The following L2HGDH variants were observed in gnomAD, a reference collection of about 807,000 sequenced individuals.
The protein encoded by L2HGDH is L-2-hydroxyglutarate dehydrogenase, mitochondrial.
In L2HGDH, 34 loss-of-function variants were observed where a neutral mutation model predicts 51.5. The observed-to-expected ratio is 0.66, with a 90% CI of 0.50 to 0.88. The LOEUF (loss-of-function observed/expected upper bound fraction) is 0.88, where lower values mean the gene tolerates loss of function less well. Among genes scored for constraint, L2HGDH ranks in the 40% least tolerant of loss-of-function variants. The probability of loss-of-function intolerance (pLI) is 0.00; values close to 1 mark genes in which losing one functional copy is unlikely to be tolerated. For missense variants in L2HGDH, 558 were observed against 571.9 expected (o/e 0.98, Z 0.25); for synonymous variants, 198 against 197.9 (o/e 1.00, Z -0.01).
Position 50,243,405 on chromosome 14 carries a change from A to G in L2HGDH, c.*3653T>C, listed in dbSNP as rs1887873057. 1 of 978,864 alleles carries G rather than the reference A, an allele frequency of 1.0e-6. No individual in the cohort carries two copies. The highest frequency in any genetic ancestry group is 1.8e-5 in the African/African-American group (1 of 57,088). 60.6% of individuals were successfully genotyped at this position (978,864 alleles called of 1,614,324 possible). ...GCTATCTATCTAAAGCAAACAGTTT[A>G]TGTTTTACACATAAAAAAATTTATT... On this transcript the variant is annotated 3_prime_UTR_variant, in exon 10 of 10. Transcript: ENST00000267436.
In L2HGDH at chr14:50,269,881, T is replaced by G. The variant is rs531904231; in HGVS notation, c.739-551A>C. ...TAAGCACATAAAATCATTTTAAAAT[T>G]AAAGTTATTACCTATTGATAATTAT... is the stretch of plus-strand genomic sequence containing the variant. On this transcript the variant is annotated intron_variant, in intron 6 of 9. Coordinates refer to ENST00000267436, the MANE Select transcript of L2HGDH (RefSeq NM_024884.3). Among the ~76,000 whole-genome samples the G allele has an allele frequency of 2.6e-5, 4 of 152,322 alleles. 1 individual carries two copies. The South Asian group carries it at 8.3e-4, about 32-fold the overall frequency.
intron 9 of L2HGDH, among the ~76,000 whole-genome samples, chr14:50,258,368 A>T (rs10151271): frequency 0.32 from 49,250 of 151,778 alleles, 8,380 homozygotes; most frequent in Admixed American, 0.43. Flanking sequence ...GGTGGACACC[A>T]CTACACCCAG....
At chr14:50,289,992 G>T (rs1480685746) in intron 4 of L2HGDH, among the ~76,000 whole-genome samples, 1 of 152,208 alleles carries the variant, frequency 6.6e-6, no homozygotes, top group Non-Finnish European at 1.5e-5. Flanking sequence ...TCGGCCAGGC[G>T]CAGTGGCTCA....
At position 50,270,492 on chromosome 14, in the gene L2HGDH, TTTGTTG is replaced by T. The variant is rs145385696; in HGVS notation, c.739-1168_739-1163del. ...TTTCTTTCTTTCCAGGCCTTACTGT[TTTGTTG>T]TTGTTGTTGTTGTTGTTGTTGTTTT... On this transcript the variant is annotated intron_variant, in intron 6 of 9. Transcript: ENST00000267436. Among the ~76,000 whole-genome samples, 848 of 150,702 alleles carry T rather than the reference TTTGTTG, an allele frequency of 5.6e-3. 9 individuals are homozygous for T. The highest frequency in any genetic ancestry group is 0.018 in the African/African-American group (754 of 40,960).
rs574500803 is a variant in L2HGDH at position 50,283,927 on chromosome 14, T to C, written c.647A>G (p.Asn216Ser). 7.8e-4 allele frequency: 1,266 copies of C among 1,614,108 alleles called. 21 individuals carry two copies. In the South Asian group the frequency reaches 0.013, roughly 17 times the overall value. The change falls in exon 5 of 10, where the codon AAT (asparagine) becomes AGT (serine). Residue 216 changes from asparagine (N) to serine (S), a missense_variant. Asn to Ser is a conservative substitution (Grantham distance 46). Transcript: ENST00000267436. ...CATTTCAATACCTTTTACTTCAAAA[T>C]TGGTCAAGACAGAGCCACCTGCTTC... ...FQEAGGSVLT[N>S]FEVKGIEMAK...
chr14:50,311,352 C>T (rs1406913792), intron 1 of L2HGDH: 5 of 455,968 alleles, frequency 1.1e-5, no homozygotes, highest in Non-Finnish European at 2.2e-5. Context: ...AAACTTCAGT[C>T]ACACTCATAT....
At chr14:50,286,641 A>G (rs1463528915) in intron 4 of L2HGDH, among the ~76,000 whole-genome samples, 4 of 152,244 alleles carry the variant, frequency 2.6e-5, no homozygotes, top group South Asian at 4.1e-4. Context: ...TACATGTTCT[A>G]CTATATATTG....
intron 6 of L2HGDH, among the ~76,000 whole-genome samples, chr14:50,276,754 G>C (rs1890000664): frequency 6.6e-6 from 1 of 152,146 alleles, no homozygotes; most frequent in Non-Finnish European, 1.5e-5. Flanking sequence ...CAGAACTGTG[G>C]GCTTTTTAGG....
rs1476265833 is a variant in L2HGDH at position 50,246,788 on chromosome 14, C to T, written c.*270G>A. On this transcript the variant is annotated 3_prime_UTR_variant, in exon 10 of 10. Transcript: ENST00000267436. ...CCAGGCTGGAGTGCAGTGGTGCAAT[C>T]TCAGCTCTCAGCTCACCTCCGTCTG... 2.8e-6 allele frequency: 1 copy of T among 361,852 alleles called. No homozygotes were observed. Among genetic ancestry groups the T allele is most frequent in the East Asian group, 5.9e-5 (1 of 17,028 alleles). 22.4% of individuals were successfully genotyped at this position (361,852 alleles called of 1,614,324 possible). A position where few individuals can be genotyped will look rare whatever the true frequency, so the allele number is the denominator to read the frequency against.
intron 3 of L2HGDH, among the ~76,000 whole-genome samples, chr14:50,296,337 C>T (rs971026942): frequency 1.6e-5 from 2 of 124,452 alleles, no homozygotes; most frequent in African/African-American, 6.2e-5. Context: ...TGCACCACTG[C>T]ACTCCATCCT....
rs564704971 is a variant in L2HGDH, at chr14:50,304,507, A to G, written c.141-1490T>C. Among the ~76,000 whole-genome samples, 5 of 152,332 alleles carry G rather than the reference A, an allele frequency of 3.3e-5. No homozygotes were observed. The East Asian group carries it at 7.7e-4, about 24-fold the overall frequency. On this transcript the variant is annotated intron_variant, in intron 1 of 9. Coordinates refer to ENST00000267436, the MANE Select transcript of L2HGDH (RefSeq NM_024884.3). Reference sequence around the variant, plus strand: ...TCCAGAAATGGGCTTAGGAACCACAATCTTTGCCATGGCAAATCCTGATTA... The same window carrying G: ...TCCAGAAATGGGCTTAGGAACCACAGTCTTTGCCATGGCAAATCCTGATTA...
At chr14:50,297,726 A>C (rs143274607) in intron 3 of L2HGDH, among the ~76,000 whole-genome samples, 22 of 152,312 alleles carry the variant, frequency 1.4e-4, no homozygotes, top group South Asian at 4.1e-4. Flanking sequence ...ATATTCTCTG[A>C]CCACAATGGA....
At chr14:50,308,502 T>C (rs1229681743) in intron 1 of L2HGDH, among the ~76,000 whole-genome samples, 1 of 151,900 alleles carries the variant, frequency 6.6e-6, no homozygotes, top group African/African-American at 2.4e-5. Flanking sequence ...CATTAGTCAA[T>C]GCATTGTTCA....
chr14:50,243,074 A>G lies in L2HGDH; in HGVS notation c.*3984T>C. The stretch of plus-strand genomic sequence containing the variant: ...AGTTAAGGTTATCCCACAGGCTACT[A>G]GGTAGATTTCCAAATGGCCTCAGGG... On this transcript the variant is annotated 3_prime_UTR_variant, in exon 10 of 10. Coordinates refer to ENST00000267436, the MANE Select transcript of L2HGDH (RefSeq NM_024884.3). 1 of 985,454 alleles carries G rather than the reference A, an allele frequency of 1.0e-6. No individual in the cohort carries two copies. Among genetic ancestry groups the G allele is most frequent in the Non-Finnish European group, 1.2e-6 (1 of 829,928 alleles). The allele number at this position is 985,454 out of a possible 1,614,324, so 61.0% of individuals were successfully genotyped here.
chr14:50,299,201 T>C (rs2030260797), intron 3 of L2HGDH, among the ~76,000 whole-genome samples: 1 of 152,078 alleles, frequency 6.6e-6, no homozygotes, highest in Non-Finnish European at 1.5e-5. Context: ...CAACTATATA[T>C]GCCAATAAGT....
At chr14:50,254,878 GA>G (rs201706273) in intron 9 of L2HGDH, among the ~76,000 whole-genome samples, 15 of 148,328 alleles carry the variant, frequency 1.0e-4, no homozygotes, top group African/African-American at 2.7e-4. Flanking sequence ...ATATATACGA[GA>G]AAAAAAAAAT....
chr14:50,262,780 T>C (rs1889108460), intron 9 of L2HGDH, among the ~76,000 whole-genome samples: 1 of 152,178 alleles, frequency 6.6e-6, no homozygotes. Flanking sequence ...ACATATCTTC[T>C]ACAGCTTCCT....
At position 50,242,959 on chromosome 14, in the gene L2HGDH, G is replaced by A; in HGVS notation, c.*4099C>T. On this transcript the variant is annotated 3_prime_UTR_variant, in exon 10 of 10. Coordinates refer to ENST00000267436, the MANE Select transcript of L2HGDH (RefSeq NM_024884.3). ...TAGGTACAGCCATCAGGGTTGGATTGCCTCCAAAAGTAGGCCCTACAAACT... is the reference window on the plus strand; with the variant it reads ...TAGGTACAGCCATCAGGGTTGGATTACCTCCAAAAGTAGGCCCTACAAACT... 1 of 985,428 alleles carries A rather than the reference G, an allele frequency of 1.0e-6. No homozygotes were observed. The highest frequency in any genetic ancestry group is 1.2e-6 in the Non-Finnish European group (1 of 829,932). The allele number at this position is 985,428 out of a possible 1,614,324, so 61.0% of individuals were successfully genotyped here. A position where few individuals can be genotyped will look rare whatever the true frequency, so the allele number is the denominator to read the frequency against.
At chr14:50,253,941 C>T (rs1888505841) in intron 9 of L2HGDH, among the ~76,000 whole-genome samples, 1 of 151,978 alleles carries the variant, frequency 6.6e-6, no homozygotes, top group Non-Finnish European at 1.5e-5. Flanking sequence ...AAATATCATC[C>T]GTTCATACTT....
Sources: gnomAD v4.1 joint callset for allele counts (sites outside exome capture counted in the v4.1 genomes callset) on GRCh38, gnomAD v4.1.1 for gene constraint, MANE v1.5 for transcripts, NCBI Gene and HGNC (gene_info 2026-07-23, HGNC 2026-07-21) for gene names.